The following LEPR variants were observed in gnomAD, a reference collection of about 807,000 sequenced individuals.
LEPR encodes OB receptor.
LEPR carries 56 observed loss-of-function variants against 114.7 expected under a neutral mutation model. The ratio of observed to expected loss-of-function variants is 0.49; its 90% CI spans 0.39 to 0.61. The LOEUF (loss-of-function observed/expected upper bound fraction) is 0.61. Ranked by LOEUF, LEPR falls within the 20% of genes least tolerant of loss-of-function variation. LEPR has a pLI of 0.00. For synonymous variants in LEPR, 443 were observed against 461.4 expected, an observed-to-expected ratio of 0.96 and a Z score of 0.51; for missense variants, 1,202 against 1,352.9, an observed-to-expected ratio of 0.89 and a Z score of 1.75.
chr1:65,485,162 C>T (rs1647421600), intron 2 of LEPR, among the ~76,000 whole-genome samples: 1 of 152,108 alleles, frequency 6.6e-6, no homozygotes, highest in African/African-American at 2.4e-5. Flanking sequence ...TTAGCTAACT[C>T]CTCTAAGTCT....
At chr1:65,443,440 A>T (rs1191165089) in intron 2 of LEPR, among the ~76,000 whole-genome samples, 2 of 150,264 alleles carry the variant, frequency 1.3e-5, no homozygotes, top group Admixed American at 6.7e-5. Flanking sequence ...AAATGATTAT[A>T]ATATATATAT....
At position 65,572,359 on chromosome 1, in the gene LEPR, G is replaced by T; in HGVS notation, c.404G>T (p.Gly135Val). 1 of 1,498,024 alleles carries T rather than the reference G, an allele frequency of 6.7e-7. No homozygotes were observed. Among genetic ancestry groups the T allele is most frequent in the Non-Finnish European group, 9.0e-7 (1 of 1,107,672 alleles). The allele number at this position is 1,498,024 out of a possible 1,614,324, so 92.8% of individuals were successfully genotyped here. A position where few individuals can be genotyped will look rare whatever the true frequency, so the allele number is the denominator to read the frequency against. ...TGGAACATACAGTGCTGGCTAAAAG[G>T]AGACTTAAAATTATTCATCTGTTAT... ...ANWNIQCWLK[G>V]DLKLFICYVE... The change falls in exon 5 of 20, where the codon GGA becomes GTA. Residue 135 changes from glycine (G) to valine (V), a missense_variant. By Grantham distance (109) the Gly-to-Val change is moderately radical. Transcript: ENST00000349533.
chr1:65,488,220 CTCTCTCTCTTTCTTTCTTTCTT>C, intron 2 of LEPR, among the ~76,000 whole-genome samples: 1 of 44,604 alleles, frequency 2.2e-5, no homozygotes, highest in East Asian at 3.5e-4. Flanking sequence ...TTCTCTCTCT[CTCTCTCTCTTTCTTTCTTTCTT>C]TCTTTCTTTC....
intron 2 of LEPR, among the ~76,000 whole-genome samples, chr1:65,496,393 C>T (rs142297813): frequency 2.0e-4 from 31 of 151,862 alleles, no homozygotes; most frequent in Non-Finnish European, 4.4e-5. Context: ...GGCAAGTTGG[C>T]GAAACCCTGT....
At chr1:65,542,831 T>C (rs988440203) in intron 2 of LEPR, among the ~76,000 whole-genome samples, 1 of 152,072 alleles carries the variant, frequency 6.6e-6, no homozygotes, top group African/African-American at 2.4e-5. Flanking sequence ...CCATGGTGTA[T>C]ATGTGCCACA....
chr1:65,520,934 A>C (rs1220574145), intron 2 of LEPR, among the ~76,000 whole-genome samples: 1 of 152,212 alleles, frequency 6.6e-6, no homozygotes, highest in East Asian at 1.9e-4. Context: ...TGGGTGGGCC[A>C]GGTGTTCCTT....
chr1:65,454,988 A>C (rs1646847269), intron 2 of LEPR, among the ~76,000 whole-genome samples: 1 of 152,032 alleles, frequency 6.6e-6, no homozygotes, highest in Non-Finnish European at 1.5e-5. Context: ...GTTTCTTTTT[A>C]TTCTTTTTTC....
At chr1:65,604,178 A>T (rs1656650961) in intron 10 of LEPR, among the ~76,000 whole-genome samples, 2 of 151,786 alleles carry the variant, frequency 1.3e-5, no homozygotes, top group African/African-American at 4.8e-5. Context: ...TATTTATTTC[A>T]TTTGCATCCC....
At chr1:65,433,892 A>T in intron 2 of LEPR, 1 of 985,300 alleles carries the variant, frequency 1.0e-6, no homozygotes, top group Non-Finnish European at 1.2e-6. Flanking sequence ...TAAAATGGGC[A>T]GTTTTGAGCA....
At chr1:65,538,481 G>T (rs1433909191) in intron 2 of LEPR, among the ~76,000 whole-genome samples, 1 of 151,884 alleles carries the variant, frequency 6.6e-6, no homozygotes, top group Non-Finnish European at 1.5e-5. Flanking sequence ...CATTTTGCTG[G>T]AATACTTTAT....
At chr1:65,541,699 G>A (rs930348895) in intron 2 of LEPR, among the ~76,000 whole-genome samples, 1 of 152,082 alleles carries the variant, frequency 6.6e-6, no homozygotes, top group Admixed American at 6.6e-5. Context: ...GTGTTTTTCA[G>A]TTGCATTTAA....
chr1:65,460,367 G>C (rs886838349), intron 2 of LEPR, among the ~76,000 whole-genome samples: 2 of 152,210 alleles, frequency 1.3e-5, no homozygotes, highest in East Asian at 3.9e-4. Context: ...CTGAGTGCTG[G>C]AAAGAGTGTA....
intron 2 of LEPR, among the ~76,000 whole-genome samples, chr1:65,468,563 G>T (rs1647044306): frequency 6.6e-6 from 1 of 152,174 alleles, no homozygotes; most frequent in African/African-American, 2.4e-5. Context: ...AATCCACAGA[G>T]GACTAGAACC....
intron 2 of LEPR, among the ~76,000 whole-genome samples, chr1:65,541,373 C>A (rs1443818968): frequency 6.6e-6 from 1 of 151,984 alleles, no homozygotes; most frequent in Admixed American, 6.6e-5. Flanking sequence ...TTTATGGTAC[C>A]CACATCTGTG....
chr1:65,500,936 T>G (rs996022333), intron 2 of LEPR, among the ~76,000 whole-genome samples: 1 of 152,170 alleles, frequency 6.6e-6, no homozygotes, highest in African/African-American at 2.4e-5. Context: ...TCTGTTCTTC[T>G]GGAATTGCCT....
intron 14 of LEPR, among the ~76,000 whole-genome samples, chr1:65,613,345 A>T (rs1657297215): frequency 6.6e-6 from 1 of 152,144 alleles, no homozygotes; most frequent in South Asian, 2.1e-4. Flanking sequence ...AAAACTTCTG[A>T]TCTGGGAAAG....
intron 2 of LEPR, among the ~76,000 whole-genome samples, chr1:65,452,815 C>T (rs1007807349): frequency 3.3e-5 from 5 of 152,018 alleles, no homozygotes; most frequent in African/African-American, 1.2e-4. Flanking sequence ...GGGAGGATTC[C>T]CTCTTTTTCT....
chr1:65,454,542 A>C (rs1232108836), intron 2 of LEPR, among the ~76,000 whole-genome samples: 1 of 151,986 alleles, frequency 6.6e-6, no homozygotes, highest in Non-Finnish European at 1.5e-5. Flanking sequence ...TCACTTATGA[A>C]ACTTAGTTTG....
chr1:65,430,137 T>A, intron 2 of LEPR: 1 of 1,169,352 alleles, frequency 8.6e-7, no homozygotes, highest in Non-Finnish European at 1.2e-6. Context: ...TGCTCATTAC[T>A]TAGGCTTTAT....
Sources: allele counts gnomAD v4.1 joint callset (sites outside exome capture counted in the v4.1 genomes callset), GRCh38; gene constraint gnomAD v4.1.1; transcripts MANE v1.5; gene names NCBI Gene and HGNC (gene_info 2026-07-23, HGNC 2026-07-21).